The following COX5A variants were observed in gnomAD, a reference collection of about 807,000 sequenced individuals.
The protein encoded by COX5A is cytochrome c oxidase subunit 5A, mitochondrial.
In COX5A, 6 loss-of-function variants were observed where a neutral mutation model predicts 16.1. The ratio of observed to expected loss-of-function variants is 0.37; its 90% confidence interval spans 0.20 to 0.73. The LOEUF (loss-of-function observed/expected upper bound fraction) is 0.73. COX5A is among the 30% of genes least tolerant of loss of function. The probability of loss-of-function intolerance (pLI) is 0.50; values close to 1 mark genes in which losing one functional copy is unlikely to be tolerated. For synonymous variants in COX5A, 73 were observed against 73.8 expected (o/e 0.99, Z 0.06); for missense variants, 159 against 194.9 (o/e 0.82, Z 1.10).
At chr15:74,927,078 G>A (rs998138303) in intron 2 of COX5A, among the ~76,000 whole-genome samples, 191 bp from the exon 3 acceptor site, 2 of 152,010 alleles carry the variant, frequency 1.3e-5, no homozygotes, top group African/African-American at 4.8e-5. Flanking sequence ...CTCCCTTAGT[G>A]AATCAGTGGA....
chr15:74,926,499 GAA>G (rs57676926), intron 3 of COX5A, among the ~76,000 whole-genome samples: 32 of 127,644 alleles, frequency 2.5e-4, no homozygotes, highest in Admixed American at 6.8e-4. Context: ...AAAAAAGAAA[GAA>G]AAAAAAAAAA....
At chr15:74,928,354 G>A (rs2065352525) in intron 2 of COX5A, among the ~76,000 whole-genome samples, 1 of 151,936 alleles carries the variant, frequency 6.6e-6, no homozygotes, top group South Asian at 2.1e-4. Flanking sequence ...TCACCCAAAG[G>A]GGAAGGGAAC....
intron 1 of COX5A, among the ~76,000 whole-genome samples, chr15:74,936,865 G>A (rs1049347502): frequency 6.6e-6 from 1 of 151,964 alleles, no homozygotes; most frequent in Admixed American, 6.6e-5. Flanking sequence ...CTGACCTCAG[G>A]TGATCCGCCC....
intron 1 of COX5A, among the ~76,000 whole-genome samples, chr15:74,937,412 T>C (rs1056467821): frequency 3.9e-5 from 6 of 152,106 alleles, no homozygotes; most frequent in African/African-American, 1.2e-4. Flanking sequence ...CTAAAAATGA[T>C]GGAAAAGGCT....
intron 1 of COX5A, among the ~76,000 whole-genome samples, chr15:74,930,278 TG>T (rs2065361023): frequency 1.3e-5 from 2 of 151,022 alleles, no homozygotes; most frequent in South Asian, 4.2e-4. Context: ...ATTAGCTGGG[TG>T]TGGTGGCGCG....
At chr15:74,928,788 C>T (rs1403637225) in intron 2 of COX5A, among the ~76,000 whole-genome samples, 1 of 152,204 alleles carries the variant, frequency 6.6e-6, no homozygotes, top group Non-Finnish European at 1.5e-5. Flanking sequence ...CCTCAGGAGA[C>T]ACTGGGTAAT....
intron 1 of COX5A, among the ~76,000 whole-genome samples, chr15:74,937,410 G>T (rs1566983908): frequency 6.6e-6 from 1 of 152,224 alleles, no homozygotes; most frequent in African/African-American, 2.4e-5. Flanking sequence ...CCCTAAAAAT[G>T]ATGGAAAAGG....
chr15:74,936,300 A>AACAAAC (rs1364979351), intron 1 of COX5A, among the ~76,000 whole-genome samples: 1 of 148,728 alleles, frequency 6.7e-6, no homozygotes, highest in East Asian at 2.2e-4. Context: ...ACAAAACAAA[A>AACAAAC]ACAAACAAAC....
chr15:74,930,942 A>G (rs1328604460), intron 1 of COX5A, among the ~76,000 whole-genome samples: 1 of 137,124 alleles, frequency 7.3e-6, no homozygotes, highest in Admixed American at 8.1e-5. Flanking sequence ...GCGTGAACCC[A>G]GGAGGCGGAG....
chr15:74,924,330 A>G (rs1008996990), intron 3 of COX5A, among the ~76,000 whole-genome samples: 2 of 152,070 alleles, frequency 1.3e-5, no homozygotes, highest in Admixed American at 6.6e-5. Context: ...CAAGGTCAGG[A>G]GTTCGAGACC....
intron 1 of COX5A, among the ~76,000 whole-genome samples, chr15:74,933,679 T>C (rs2065376813): frequency 1.3e-5 from 2 of 152,184 alleles, no homozygotes; most frequent in African/African-American, 2.4e-5. Context: ...GTTTAAGCAG[T>C]TTCTTATCAA....
chr15:74,935,251 C>G (rs2065383815), intron 1 of COX5A, among the ~76,000 whole-genome samples: 1 of 150,460 alleles, frequency 6.6e-6, no homozygotes, highest in Non-Finnish European at 1.5e-5. Context: ...GCTGTGCCAA[C>G]TGCACTGCAG....
chr15:74,937,022 G>A (rs2065394007), intron 1 of COX5A, among the ~76,000 whole-genome samples: 1 of 152,176 alleles, frequency 6.6e-6, no homozygotes, highest in East Asian at 1.9e-4. Flanking sequence ...CAGTGATGCA[G>A]GTTCAAAAAT....
At chr15:74,923,267 T>G (rs974368652) in intron 4 of COX5A, among the ~76,000 whole-genome samples, 5 of 151,798 alleles carry the variant, frequency 3.3e-5, no homozygotes. Context: ...TTACTAAAAA[T>G]ACAAAAATTA....
intron 1 of COX5A, among the ~76,000 whole-genome samples, chr15:74,931,838 G>A (rs945553380): frequency 6.6e-6 from 1 of 152,136 alleles, no homozygotes; most frequent in Non-Finnish European, 1.5e-5. Context: ...ACAGACGCGA[G>A]CCACTGCACC....
At chr15:74,936,932 T>A (rs533635043) in intron 1 of COX5A, among the ~76,000 whole-genome samples, 1 of 152,118 alleles carries the variant, frequency 6.6e-6, no homozygotes, top group African/African-American at 2.4e-5. Context: ...CCCGGCTGAG[T>A]TCTTTTTTTA....
At chr15:74,925,958 C>T (rs993727080) in intron 3 of COX5A, among the ~76,000 whole-genome samples, 11 of 151,040 alleles carry the variant, frequency 7.3e-5, no homozygotes, top group Admixed American at 4.0e-4. Flanking sequence ...CTCCGCCTCC[C>T]GGGTTCAAGC....
chr15:74,935,596 C>T, intron 1 of COX5A, among the ~76,000 whole-genome samples: 1 of 146,532 alleles, frequency 6.8e-6, no homozygotes, highest in East Asian at 2.0e-4. Context: ...GTGAGACTAT[C>T]ACCAAAAAAA....
intron 4 of COX5A, among the ~76,000 whole-genome samples, chr15:74,921,300 C>T (rs1004776944): frequency 4.2e-4 from 61 of 144,628 alleles, no homozygotes; most frequent in African/African-American, 1.3e-3. Context: ...CCCAGCTACT[C>T]GGGAGGCTGA....
Sources: allele counts gnomAD v4.1 joint callset (sites outside exome capture counted in the v4.1 genomes callset), GRCh38; gene constraint gnomAD v4.1.1; transcripts MANE v1.5; gene names NCBI Gene and HGNC (gene_info 2026-07-23, HGNC 2026-07-21).